The following EIF2AK2 variants were observed in gnomAD, a reference collection of about 807,000 sequenced individuals.
EIF2AK2 encodes the protein eukaryotic translation initiation factor 2 alpha kinase 2.
In EIF2AK2, 40 loss-of-function variants were observed where a neutral mutation model predicts 70.5. The ratio of observed to expected loss-of-function variants is 0.57; its 90% confidence interval spans 0.44 to 0.74. The LOEUF is 0.74. Ranked by LOEUF, EIF2AK2 falls within the 30% of genes least tolerant of loss-of-function variation. The pLI, the probability that EIF2AK2 is intolerant of heterozygous loss-of-function variation, is 0.00. For missense variants in EIF2AK2, 555 were observed against 644.3 expected (o/e 0.86, Z 1.50); for synonymous variants, 198 against 220.9 (o/e 0.90, Z 0.92).
Position 37,108,723 on chromosome 2 carries a change from C to T in EIF2AK2, c.1479+471G>A, listed in dbSNP as rs4648241. On this transcript the variant is annotated intron_variant, in intron 15 of 16. Transcript: ENST00000233057. ...TAGTTGGGATTACAGGTGTGCACCACCACACCCAGCTAATTTTTGTATTTT... is the reference window on the plus strand; with the variant it reads ...TAGTTGGGATTACAGGTGTGCACCATCACACCCAGCTAATTTTTGTATTTT... 2.0e-5 allele frequency among the ~76,000 whole-genome samples: 3 copies of T among 152,272 alleles called. No individual in the cohort carries two copies. The East Asian group carries it at 5.8e-4, about 29-fold the overall frequency.
chr2:37,138,566 G>A lies in EIF2AK2; in HGVS notation c.536C>T (p.Ser179Phe), dbSNP rs1675210214. 1 of 1,614,124 alleles carries A rather than the reference G, an allele frequency of 6.2e-7. No homozygotes were observed. The highest frequency in any genetic ancestry group is 1.6e-4 in the Middle Eastern group (1 of 6,062). ...ETSVKSDYLS[S>F]GSFATTCESQ... ...CTCACACGTAGTAGCAAAAGAACCA[G>A]AGGACAGGTAGTCAGATTTCTGAAA... The change falls in exon 7 of 17, where the codon TCT becomes TTT. Residue 179 changes from serine (S) to phenylalanine (F), a missense_variant. By Grantham distance (155) the Ser-to-Phe change is radical. This residue lies in a region of EIF2AK2 where 208 missense variants were observed against 191.8 expected (regional missense o/e 1.08). Coordinates refer to ENST00000233057, the MANE Select transcript of EIF2AK2 (RefSeq NM_001135651.3).
At chr2:37,120,284 G>A (rs1042690370) in intron 12 of EIF2AK2, 145 bp from the exon 13 acceptor site, 46 of 438,334 alleles carry the variant, frequency 1.0e-4, no homozygotes, top group Non-Finnish European at 1.5e-4. Context: ...TTGGGAGGCC[G>A]AGGCGGGCGG....
intron 1 of EIF2AK2, among the ~76,000 whole-genome samples, chr2:37,151,736 C>T (rs569118954): frequency 6.6e-6 from 1 of 152,358 alleles, no homozygotes; most frequent in African/African-American, 2.4e-5. Context: ...TATATCTACA[C>T]AGCGGAATAT....
intron 9 of EIF2AK2, among the ~76,000 whole-genome samples, chr2:37,136,289 TC>T (rs1300892877): frequency 6.6e-6 from 1 of 152,230 alleles, no homozygotes; most frequent in African/African-American, 2.4e-5. Context: ...AATCTTCAAA[TC>T]CTTTCTCCTT....
At chr2:37,122,742 A>G (rs1248539153) in intron 11 of EIF2AK2, 78 bp from the exon 12 acceptor site, 1 of 1,536,042 alleles carries the variant, frequency 6.5e-7, no homozygotes, top group Non-Finnish European at 8.9e-7. Context: ...CATGTAATAG[A>G]CAACTGTCTA....
chr2:37,126,833 T>G (rs1012444657), intron 10 of EIF2AK2, among the ~76,000 whole-genome samples: 6 of 151,780 alleles, frequency 4.0e-5, no homozygotes, highest in Admixed American at 3.9e-4. Flanking sequence ...GGCGAGTGCC[T>G]GTAATCCCAG....
chr2:37,121,060 A>G lies in EIF2AK2; in HGVS notation c.1068-921T>C, dbSNP rs1241622918. Among the ~76,000 whole-genome samples, 20 of 148,832 alleles carry G rather than the reference A, an allele frequency of 1.3e-4. 2 individuals are homozygous for G. Among genetic ancestry groups the G allele is most frequent in the Non-Finnish European group, 2.5e-4 (17 of 66,872 alleles). On this transcript the variant is annotated intron_variant, in intron 12 of 16. Coordinates refer to ENST00000233057, the MANE Select transcript of EIF2AK2 (RefSeq NM_001135651.3). ...GGGTGGATCACGAGGTCAGGAGATC[A>G]AGACCATCCTGGCTAACACGGTGAA...
intron 2 of EIF2AK2, 85 bp from the exon 3 acceptor site, chr2:37,147,907 G>A (rs920476735): frequency 2.2e-5 from 19 of 868,028 alleles, no homozygotes; most frequent in African/African-American, 8.4e-5. Flanking sequence ...GAGACAGAGG[G>A]GTTGGGGAGA....
chr2:37,149,471 T>A (rs1414778601), intron 1 of EIF2AK2, among the ~76,000 whole-genome samples: 5 of 152,176 alleles, frequency 3.3e-5, no homozygotes, highest in Non-Finnish European at 4.4e-5. Flanking sequence ...TGATATAAAT[T>A]CAGATAGCCT....
At chr2:37,126,830 G>A (rs1674746771) in intron 10 of EIF2AK2, among the ~76,000 whole-genome samples, 2 of 151,884 alleles carry the variant, frequency 1.3e-5, no homozygotes, top group South Asian at 2.1e-4. Context: ...GGTGGCGAGT[G>A]CCTGTAATCC....
At chr2:37,135,912 C>T (rs1447326585) in intron 9 of EIF2AK2, among the ~76,000 whole-genome samples, 1 of 152,190 alleles carries the variant, frequency 6.6e-6, no homozygotes, top group African/African-American at 2.4e-5. Flanking sequence ...GGATCACAGG[C>T]GCAAGCCACA....
chr2:37,106,668 G>A lies in EIF2AK2; in HGVS notation c.*605C>T, dbSNP rs1015942406. On this transcript the variant is annotated 3_prime_UTR_variant, in exon 17 of 17. Transcript: ENST00000233057. ...ACATTTTTTTGGCCTAAAAGCGGTA[G>A]AAATTTAATAAATAGATATGAATTG... The A allele has an allele frequency of 6.6e-6, 1 of 151,668 alleles. No homozygotes were observed. The highest frequency in any genetic ancestry group is 2.4e-5 in the African/African-American group (1 of 41,232). 9.4% of individuals were successfully genotyped at this position (151,668 alleles called of 1,614,324 possible). A position where few individuals can be genotyped will look rare whatever the true frequency, so the allele number is the denominator to read the frequency against.
At chr2:37,136,960 G>C in intron 9 of EIF2AK2, 23 bp downstream of exon 9, 2 of 1,592,904 alleles carry the variant, frequency 1.3e-6, no homozygotes, top group Non-Finnish European at 1.7e-6. Flanking sequence ...ATCAAAATAT[G>C]TTCAATGCAT....
At chr2:37,133,840 C>T (rs944614628) in intron 10 of EIF2AK2, among the ~76,000 whole-genome samples, 3 of 152,188 alleles carry the variant, frequency 2.0e-5, no homozygotes, top group Admixed American at 6.5e-5. Flanking sequence ...TACTATTCCA[C>T]GGGATTTATG....
chr2:37,135,355 T>G (rs983583916), intron 10 of EIF2AK2, 129 bp downstream of exon 10: 2 of 743,444 alleles, frequency 2.7e-6, no homozygotes, highest in East Asian at 5.2e-5. Context: ...ACTATTGTTC[T>G]TACCCTGCGT....
intron 1 of EIF2AK2, among the ~76,000 whole-genome samples, chr2:37,151,438 A>C (rs544354662): frequency 1.3e-5 from 2 of 152,348 alleles, no homozygotes; most frequent in Admixed American, 1.3e-4. Flanking sequence ...AATAATAATC[A>C]GGAAATAATA....
chr2:37,122,357 T>C, intron 12 of EIF2AK2, 149 bp downstream of exon 12: 1 of 906,730 alleles, frequency 1.1e-6, no homozygotes, highest in Non-Finnish European at 1.6e-6. Flanking sequence ...ACTTTCTCCT[T>C]ACCTTCGGAA....
At chr2:37,120,202 TATAACTTTTTAAAGTTTTTC>T (rs1341908200) in intron 12 of EIF2AK2, 63 bp from the exon 13 acceptor site, 1 of 1,080,592 alleles carries the variant, frequency 9.3e-7, no homozygotes, top group Non-Finnish European at 1.2e-6. Flanking sequence ...AAAAATTTTT[TATAACTTTTTAAAGTTTTTC>T]ATAACTTTTT....
intron 10 of EIF2AK2, among the ~76,000 whole-genome samples, chr2:37,131,246 C>T (rs937857510): frequency 2.6e-5 from 4 of 152,156 alleles, no homozygotes; most frequent in Non-Finnish European, 5.9e-5. Context: ...CCCCCTAAGA[C>T]CTTTTCATCT....
Sources: gnomAD v4.1 joint callset for allele counts (sites outside exome capture counted in the v4.1 genomes callset) on GRCh38, gnomAD v4.1.1 for gene constraint, gnomAD v4.1.1 regional missense constraint, MANE v1.5 for transcripts, NCBI Gene and HGNC (gene_info 2026-07-23, HGNC 2026-07-21) for gene names.